The following DCC variants were observed in gnomAD, a reference collection of about 807,000 sequenced individuals.
DCC encodes netrin receptor DCC.
DCC carries 58 observed loss-of-function variants against 172.5 expected under a neutral mutation model. That is an observed-to-expected ratio of 0.34 (90% CI 0.27 to 0.42). The LOEUF is 0.42. Ranked by LOEUF, DCC falls within the 10% of genes least tolerant of loss-of-function variation. DCC has a pLI of 1.00. For missense variants in DCC, 1,740 were observed against 1,791.0 expected, an observed-to-expected ratio of 0.97 and a Z score of 0.51; for synonymous variants, 709 against 644.5, an observed-to-expected ratio of 1.10 and a Z score of -1.52.
intron 3 of DCC, among the ~76,000 whole-genome samples, chr18:52,907,393 A>T (rs973362617): frequency 6.8e-6 from 1 of 147,142 alleles, no homozygotes; most frequent in Non-Finnish European, 1.5e-5. Flanking sequence ...GATATATGTC[A>T]TGTATATATA....
chr18:52,977,583 C>T (rs957544465), intron 5 of DCC, among the ~76,000 whole-genome samples: 4 of 152,104 alleles, frequency 2.6e-5, no homozygotes, highest in African/African-American at 9.7e-5. Flanking sequence ...ATTAGTGATG[C>T]TTTCAAGAAA....
chr18:52,735,771 T>G (rs905282103), intron 1 of DCC, among the ~76,000 whole-genome samples: 1 of 152,024 alleles, frequency 6.6e-6, no homozygotes, highest in Non-Finnish European at 1.5e-5. Flanking sequence ...TGGGTCTGCC[T>G]CTCTCAGTCT....
At chr18:53,332,044 C>G (rs776679607) in intron 14 of DCC, among the ~76,000 whole-genome samples, 2 of 152,046 alleles carry the variant, frequency 1.3e-5, no homozygotes, top group Admixed American at 6.6e-5. Flanking sequence ...TAGGAGTAAG[C>G]GTGTTGATAT....
intron 1 of DCC, among the ~76,000 whole-genome samples, chr18:52,437,654 T>C (rs1487044148): frequency 6.6e-6 from 1 of 152,160 alleles, no homozygotes; most frequent in African/African-American, 2.4e-5. Context: ...AAGAAATGAA[T>C]CAATGAGGTT....
At chr18:53,039,561 C>T (rs2042141504) in intron 5 of DCC, among the ~76,000 whole-genome samples, 1 of 151,968 alleles carries the variant, frequency 6.6e-6, no homozygotes, top group East Asian at 1.9e-4. Context: ...TCCCAAACCA[C>T]CTATTCCAAG....
intron 7 of DCC, among the ~76,000 whole-genome samples, chr18:53,066,425 GTA>G (rs147709000): frequency 0.076 from 10,191 of 133,748 alleles, 1,101 homozygotes; most frequent in African/African-American, 0.24. Flanking sequence ...GTGTGTTTGT[GTA>G]TATATATATA....
At chr18:53,238,112 T>A (rs975641736) in intron 12 of DCC, among the ~76,000 whole-genome samples, 1 of 152,222 alleles carries the variant, frequency 6.6e-6, no homozygotes, top group Non-Finnish European at 1.5e-5. Context: ...ATTCCTTGAA[T>A]TTATCTACTA....
chr18:53,337,234 T>C (rs1259163571), intron 14 of DCC, among the ~76,000 whole-genome samples: 1 of 152,254 alleles, frequency 6.6e-6, no homozygotes, highest in East Asian at 1.9e-4. Context: ...TTAAATATTG[T>C]CATTAAAATC....
At chr18:52,820,091 G>A (rs2038379189) in intron 2 of DCC, among the ~76,000 whole-genome samples, 1 of 152,042 alleles carries the variant, frequency 6.6e-6, no homozygotes, top group Admixed American at 6.5e-5. Flanking sequence ...ATTTCCTGTG[G>A]ACACATTTGG....
At chr18:52,679,080 C>A (rs886303506) in intron 1 of DCC, among the ~76,000 whole-genome samples, 2 of 151,918 alleles carry the variant, frequency 1.3e-5, no homozygotes, top group African/African-American at 4.8e-5. Context: ...TGGTAGTCTA[C>A]GAGCTTTGAA....
rs182443189 is a variant in DCC at position 52,424,982 on chromosome 18, T to C, written c.91+84104T>C. Among the ~76,000 whole-genome samples, 8 of 152,222 alleles carry C rather than the reference T, an allele frequency of 5.3e-5. No individual in the cohort carries two copies. The East Asian group carries it at 1.4e-3, about 26-fold the overall frequency. ...GGGGTACAAGTATAATTTTGTTACA[T>C]GCATAGATGGCATACTGGTCAAATC... On this transcript the variant is annotated intron_variant, in intron 1 of 28. Transcript: ENST00000442544.
At chr18:52,396,281 A>ACCCCCCC in intron 1 of DCC, among the ~76,000 whole-genome samples, 1 of 114,308 alleles carries the variant, frequency 8.7e-6, no homozygotes, top group Non-Finnish European at 1.8e-5. Flanking sequence ...CCTGCACCAC[A>ACCCCCCC]CCCCCCCCCC....
At chr18:53,112,332 G>A (rs1376318995) in intron 7 of DCC, among the ~76,000 whole-genome samples, 1 of 151,410 alleles carries the variant, frequency 6.6e-6, no homozygotes, top group Non-Finnish European at 1.5e-5. Flanking sequence ...ACTCTGCTAA[G>A]TACTTTTTAT....
chr18:52,607,035 A>C (rs924923627), intron 1 of DCC, among the ~76,000 whole-genome samples: 1 of 152,086 alleles, frequency 6.6e-6, no homozygotes, highest in African/African-American at 2.4e-5. Context: ...TTTTTTTGCT[A>C]TATTTGTCAG....
intron 12 of DCC, among the ~76,000 whole-genome samples, chr18:53,248,901 A>G (rs78939450): frequency 0.017 from 2,579 of 152,130 alleles, 78 homozygotes; most frequent in African/African-American, 0.059. Context: ...ATTGGCAACT[A>G]TGTATTTTAG....
At chr18:52,982,023 C>G (rs58521521) in intron 5 of DCC, among the ~76,000 whole-genome samples, 3,288 of 152,162 alleles carry the variant, frequency 0.022, 44 homozygotes, top group Middle Eastern at 0.048. Flanking sequence ...GAGGTTAGAA[C>G]AGAAGGCTGA....
Position 52,931,564 on chromosome 18 carries a change from C to T in DCC, c.985+6194C>T, listed in dbSNP as rs147028919. 2.6e-5 allele frequency among the ~76,000 whole-genome samples: 4 copies of T among 152,160 alleles called. No homozygotes were observed. The East Asian group carries it at 7.7e-4, about 29-fold the overall frequency. ...AGAAAAGACATTTTGTTGCCCTCCT[C>T]AGTAATTTTACAGAGTGAATATACA... On this transcript the variant is annotated intron_variant, in intron 5 of 28. Coordinates refer to ENST00000442544, the MANE Select transcript of DCC (RefSeq NM_005215.4).
intron 8 of DCC, among the ~76,000 whole-genome samples, chr18:53,157,894 C>T (rs1234928416): frequency 1.3e-5 from 2 of 152,302 alleles, no homozygotes; most frequent in African/African-American, 4.8e-5. Flanking sequence ...CAAAAAACCA[C>T]ATGACTTCTC....
At chr18:52,940,221 G>T (rs1411021428) in intron 5 of DCC, among the ~76,000 whole-genome samples, 1 of 152,158 alleles carries the variant, frequency 6.6e-6, no homozygotes, top group Non-Finnish European at 1.5e-5. Flanking sequence ...ACAAAAGTAG[G>T]TTTAGTAGGC....
Sources: allele counts gnomAD v4.1 joint callset (sites outside exome capture counted in the v4.1 genomes callset), GRCh38; gene constraint gnomAD v4.1.1; transcripts MANE v1.5; gene names NCBI Gene and HGNC (gene_info 2026-07-23, HGNC 2026-07-21).